Variants in ATMIN observed in about 807,000 individuals in gnomAD.
The protein encoded by ATMIN is ATM interactor.
Under a neutral mutation model 49.2 loss-of-function variants are expected in ATMIN, and 24 were observed. That is an observed-to-expected ratio of 0.49 (90% CI 0.35 to 0.69). The LOEUF (loss-of-function observed/expected upper bound fraction) is 0.69, where lower values mean the gene tolerates loss of function less well. Among genes scored for constraint, ATMIN ranks in the 30% least tolerant of loss-of-function variants. The probability of loss-of-function intolerance (pLI) is 0.00; values close to 1 mark genes in which losing one functional copy is unlikely to be tolerated. For missense variants in ATMIN, 1,037 were observed against 1,005.5 expected (o/e 1.03, Z -0.42); for synonymous variants, 450 against 392.5 (o/e 1.15, Z -1.73).
At position 81,039,004 on chromosome 16, in the gene ATMIN, C is replaced by T. The variant is rs760387670; in HGVS notation, c.337-2352C>T. 3.3e-5 allele frequency among the ~76,000 whole-genome samples: 5 copies of T among 152,122 alleles called. No individual in the cohort carries two copies. In the East Asian group the frequency reaches 7.7e-4, roughly 23 times the overall value. Reference sequence around the variant, plus strand: ...AGAAACAGGGTTTCGCCATGTTGGTCGGGCTGGTCTTGAACTCCTGACCTC... The same window carrying T: ...AGAAACAGGGTTTCGCCATGTTGGTTGGGCTGGTCTTGAACTCCTGACCTC... On this transcript the variant is annotated intron_variant, in intron 1 of 3. Transcript: ENST00000299575.
chr16:81,041,318 T>C (rs1971033854), intron 1 of ATMIN, 38 bp from the exon 2 acceptor site: 1 of 1,582,170 alleles, frequency 6.3e-7, no homozygotes, highest in Non-Finnish European at 8.6e-7. Context: ...TGTGTTGTTT[T>C]TTTGAAATAA....
At chr16:81,038,734 C>T (rs1417145413) in intron 1 of ATMIN, among the ~76,000 whole-genome samples, 1 of 152,172 alleles carries the variant, frequency 6.6e-6, no homozygotes, top group African/African-American at 2.4e-5. Context: ...GATCCTCCTG[C>T]TTTAGCCTCC....
At position 81,043,478 on chromosome 16, in the gene ATMIN, C is replaced by G. The variant is rs1192348224; in HGVS notation, c.980C>G (p.Pro327Arg). Residue 327 changes from proline (P) to arginine (R), a missense_variant, in exon 4 of 4, where the codon CCT becomes CGT. By Grantham distance (103) the Pro-to-Arg change is moderately radical. Transcript: ENST00000299575. Reference protein sequence around the residue: ...FVPTADSSAQPVVLGVDQGSA... With the variant: ...FVPTADSSAQRVVLGVDQGSA... ...CCTACAGCCGACTCCTCAGCCCAGC[C>G]TGTGGTGTTAGGTGTTGATCAGGGC... 6.2e-7 allele frequency: 1 copy of G among 1,614,192 alleles called. No homozygotes were observed. The highest frequency in any genetic ancestry group is 1.7e-5 in the Admixed American group (1 of 60,026).
chr16:81,044,807 C>A lies in ATMIN; in HGVS notation c.2309C>A (p.Ser770Tyr), dbSNP rs777513790. ...AGTACAGAAACACAGACCATGAGTT[C>A]TGGGTTTGAAACCCTGGGGAGCTTG... ...LNSTETQTMS[S>Y]GFETLGSLFF... is the part of the protein sequence containing the mutation. Residue 770 changes from serine (S) to tyrosine (Y), a missense_variant, in exon 4 of 4, where the codon TCT (serine) becomes TAT (tyrosine). Coordinates refer to ENST00000299575, the MANE Select transcript of ATMIN (RefSeq NM_015251.3). 6.2e-7 allele frequency: 1 copy of A among 1,614,202 alleles called. No homozygotes were observed. Among genetic ancestry groups the A allele is most frequent in the Non-Finnish European group, 8.5e-7 (1 of 1,180,044 alleles).
Position 81,044,748 on chromosome 16 carries a change from T to C in ATMIN, c.2250T>C (p.Asn750=). ...TQTEGVSTAK[N]IPALESKVQL... The stretch of plus-strand genomic sequence containing the variant: ...CTGAAGGAGTCTCCACTGCTAAAAA[T>C]ATACCTGCTCTAGAAAGCAAAGTTC... The change falls in exon 4 of 4, where the codon AAT becomes AAC. Residue 750 remains asparagine (N), a synonymous_variant. Transcript: ENST00000299575. 1 of 1,614,152 alleles carries C rather than the reference T, an allele frequency of 6.2e-7. No individual in the cohort carries two copies. Among genetic ancestry groups the C allele is most frequent in the Non-Finnish European group, 8.5e-7 (1 of 1,180,026 alleles).
intron 1 of ATMIN, among the ~76,000 whole-genome samples, chr16:81,036,828 G>A (rs1033789563): frequency 6.6e-6 from 1 of 152,054 alleles, no homozygotes; most frequent in Non-Finnish European, 1.5e-5. Flanking sequence ...GCTGCACACC[G>A]CACCCCATCA....
rs1971129977 is a variant in ATMIN, at chr16:81,046,801, T to G, written c.*1831T>G. ...GTAAATTGATGGTTTTGCTACTAAT[T>G]CCTATCCCATACATTTGACACAAAA... is the stretch of plus-strand genomic sequence containing the variant. On this transcript the variant is annotated 3_prime_UTR_variant, in exon 4 of 4. Transcript: ENST00000299575. 6.6e-6 allele frequency: 1 copy of G among 152,580 alleles called. No individual in the cohort carries two copies. Among genetic ancestry groups the G allele is most frequent in the African/African-American group, 2.4e-5 (1 of 41,430 alleles). 9.5% of individuals were successfully genotyped at this position (152,580 alleles called of 1,614,324 possible). A position where few individuals can be genotyped will look rare whatever the true frequency, so the allele number is the denominator to read the frequency against.
At position 81,043,683 on chromosome 16, in the gene ATMIN, T is replaced by A; in HGVS notation, c.1185T>A (p.Pro395=). Residue 395 remains proline, a synonymous_variant, in exon 4 of 4, where the codon CCT becomes CCA. Transcript: ENST00000299575. ...QVNFGKSPSN[P]LQELGNTCQK... ...ACTTTGGTAAAAGTCCATCTAATCC[T>A]TTACAAGAACTAGGGAACACGTGTC... The A allele has an allele frequency of 6.2e-7, 1 of 1,614,222 alleles. No individual in the cohort carries two copies. Among genetic ancestry groups the A allele is most frequent in the East Asian group, 2.2e-5 (1 of 44,888 alleles).
In ATMIN at chr16:81,044,509, G is replaced by A; in HGVS notation, c.2011G>A (p.Glu671Lys). Residue 671 changes from glutamate to lysine, a missense_variant, in exon 4 of 4, where the codon GAG (glutamate) becomes AAG (lysine). Glu to Lys is a moderately conservative substitution (Grantham distance 56, BLOSUM62 1). Coordinates refer to ENST00000299575, the MANE Select transcript of ATMIN (RefSeq NM_015251.3). ...TEPVLESLDI[E>K]TQTDFLLADT... The stretch of plus-strand genomic sequence containing the variant: ...GCCAGTCTTGGAGTCACTGGACATA[G>A]AGACTCAAACGGACTTCTTACTCGC... 1 of 1,614,084 alleles carries A rather than the reference G, an allele frequency of 6.2e-7. No homozygotes were observed. Among genetic ancestry groups the A allele is most frequent in the Non-Finnish European group, 8.5e-7 (1 of 1,180,018 alleles).
In ATMIN at chr16:81,036,259, C is replaced by T. The variant is rs1247476375; in HGVS notation, c.336+53C>T. ...GGGGCCGGGCCTGGCTCCAACAAAG[C>T]GCCCGGCGCCGGCGCGCGAAGCCGG... On this transcript the variant is annotated intron_variant, in intron 1 of 3. Transcript: ENST00000299575. 6.7e-6 allele frequency: 8 copies of T among 1,186,392 alleles called. No homozygotes were observed. The Admixed American group carries it at 2.8e-4, about 42-fold the overall frequency. The allele number at this position is 1,186,392 out of a possible 1,614,324, so 73.5% of individuals were successfully genotyped here.
chr16:81,035,925 G>A lies in ATMIN; in HGVS notation c.55G>A (p.Ala19Thr). Residue 19 changes from alanine (A) to threonine (T), a missense_variant, in exon 1 of 4, where the codon GCC becomes ACC. Coordinates refer to ENST00000299575, the MANE Select transcript of ATMIN (RefSeq NM_015251.3). ...GGGGTCCGCGGCTCTGGCGGCGGGTGCCCGGGCCGTCCCGGCGGCCACGAC... is the reference window on the plus strand; with the variant it reads ...GGGGTCCGCGGCTCTGGCGGCGGGTACCCGGGCCGTCCCGGCGGCCACGAC... ...AAGSAALAAG[A>T]RAVPAATTGA... The A allele has an allele frequency of 2.0e-6, 2 of 990,838 alleles. No individual in the cohort carries two copies. Among genetic ancestry groups the A allele is most frequent in the Non-Finnish European group, 2.4e-6 (2 of 834,976 alleles). 61.4% of individuals were successfully genotyped at this position (990,838 alleles called of 1,614,324 possible). A position where few individuals can be genotyped will look rare whatever the true frequency, so the allele number is the denominator to read the frequency against.
Position 81,044,428 on chromosome 16 carries a change from GC to G in ATMIN, c.1932del (p.Ser645GlnfsTer15), listed in dbSNP as rs1245694682. ...IDFDIEEFFS[A>X]SNIQTQTEES... ...TTTTGATATCGAAGAGTTCTTTTCG[GC>G]CTCAAATATCCAGACTCAAACTGAA... On this transcript the variant is annotated frameshift_variant, in exon 4 of 4. Transcript: ENST00000299575. LOFTEE classifies it high-confidence loss of function. The G allele has an allele frequency of 6.2e-7, 1 of 1,613,940 alleles. No individual in the cohort carries two copies. The highest frequency in any genetic ancestry group is 1.7e-5 in the Admixed American group (1 of 59,996).
At position 81,044,024 on chromosome 16, in the gene ATMIN, A is replaced by C. The variant is rs1597127063; in HGVS notation, c.1526A>C (p.Asp509Ala). Residue 509 changes from aspartate (D) to alanine (A), a missense_variant, in exon 4 of 4, where the codon GAC (aspartate) becomes GCC (alanine). Physicochemically the swap from Asp to Ala is moderately radical, Grantham distance 126. Transcript: ENST00000299575. ...CCAACGGATGACCATGTACAGATGG[A>C]CCAAGCTGGAATGTGCGGAGACATT... Reference protein sequence around the residue: ...ESPTDDHVQMDQAGMCGDIFE... With the variant: ...ESPTDDHVQMAQAGMCGDIFE... 2 of 1,614,214 alleles carry C rather than the reference A, an allele frequency of 1.2e-6. No homozygotes were observed. The highest frequency in any genetic ancestry group is 4.5e-5 in the East Asian group (2 of 44,888).
chr16:81,039,743 T>C (rs1357415206), intron 1 of ATMIN, among the ~76,000 whole-genome samples: 2 of 152,228 alleles, frequency 1.3e-5, no homozygotes, highest in African/African-American at 2.4e-5. Context: ...GAACCTCTTA[T>C]CAAGCAACAT....
In ATMIN at chr16:81,035,877, G is replaced by C. The variant is rs1173161812; in HGVS notation, c.7G>C (p.Ala3Pro). 2 of 939,468 alleles carry C rather than the reference G, an allele frequency of 2.1e-6. No individual in the cohort carries two copies. The highest frequency in any genetic ancestry group is 1.3e-6 in the Non-Finnish European group (1 of 790,248). 58.2% of individuals were successfully genotyped at this position (939,468 alleles called of 1,614,324 possible). Residue 3 changes from alanine to proline, a missense_variant, in exon 1 of 4, where the codon GCC (alanine) becomes CCC (proline). Physicochemically the swap from Ala to Pro is conservative, Grantham distance 27. Transcript: ENST00000299575. Reference sequence around the variant, plus strand: ...GGGCGGCCGTGCGGGAGCCATGGCGGCCTCGGAGGCGGCGGCGGCGGCGGG... The same window carrying C: ...GGGCGGCCGTGCGGGAGCCATGGCGCCCTCGGAGGCGGCGGCGGCGGCGGG... MA[A>P]SEAAAAAGSA... is the part of the protein sequence containing the mutation.
intron 1 of ATMIN, among the ~76,000 whole-genome samples, chr16:81,039,400 C>A (rs1354012091): frequency 6.6e-6 from 1 of 152,098 alleles, no homozygotes; most frequent in Non-Finnish European, 1.5e-5. Context: ...ATCTTTCTTC[C>A]CAAAACACCC....
In ATMIN at chr16:81,044,760, A is replaced by G. The variant is rs753498376; in HGVS notation, c.2262A>G (p.Leu754=). The change falls in exon 4 of 4, where the codon CTA becomes CTG. Residue 754 remains leucine, a synonymous_variant. Coordinates refer to ENST00000299575, the MANE Select transcript of ATMIN (RefSeq NM_015251.3). ...GVSTAKNIPA[L]ESKVQLNSTE... is the part of the protein sequence containing the mutation. Reference sequence around the variant, plus strand: ...CCACTGCTAAAAATATACCTGCTCTAGAAAGCAAAGTTCAGTTGAACAGTA... The same window carrying G: ...CCACTGCTAAAAATATACCTGCTCTGGAAAGCAAAGTTCAGTTGAACAGTA... 6.8e-6 allele frequency: 11 copies of G among 1,614,258 alleles called. No homozygotes were observed. The highest frequency in any genetic ancestry group is 7.6e-6 in the Non-Finnish European group (9 of 1,180,048).
intron 2 of ATMIN, chr16:81,041,845 AAAG>A (rs751691364): frequency 1.9e-5 from 4 of 212,016 alleles, no homozygotes; most frequent in African/African-American, 7.0e-5. Context: ...GAATCCAGGA[AAAG>A]AAGAGTTTTG....
chr16:81,041,964 A>T (rs1971043598), intron 2 of ATMIN, among the ~76,000 whole-genome samples: 2 of 152,206 alleles, frequency 1.3e-5, no homozygotes, highest in African/African-American at 2.4e-5. Flanking sequence ...GGTCTGCTGG[A>T]GGGCGTCCTG....
Sources: gnomAD v4.1 joint callset for allele counts (sites outside exome capture counted in the v4.1 genomes callset) on GRCh38, gnomAD v4.1.1 for gene constraint, MANE v1.5 for transcripts, NCBI Gene and HGNC (gene_info 2026-07-23, HGNC 2026-07-21) for gene names.